NCF2: variants seen among roughly 807,000 people sequenced by gnomAD.
NCF2 encodes neutrophil cytosol factor 2.
Under a neutral mutation model 70.9 loss-of-function variants are expected in NCF2, and 45 were observed. The ratio of observed to expected loss-of-function variants is 0.63; its 90% CI spans 0.50 to 0.81. The LOEUF (loss-of-function observed/expected upper bound fraction) is 0.81. NCF2 is among the 40% of genes least tolerant of loss of function. NCF2 has a pLI of 0.00. For missense variants in NCF2, 522 were observed against 631.6 expected (o/e 0.83, Z 1.86); for synonymous variants, 203 against 233.6 (o/e 0.87, Z 1.19).
chr1:183,585,499 C>T (rs1002070340), intron 2 of NCF2, among the ~76,000 whole-genome samples: 1 of 151,782 alleles, frequency 6.6e-6, no homozygotes, highest in Non-Finnish European at 1.5e-5. Flanking sequence ...GTGGCGGGCA[C>T]CTGTAATCCC....
intron 14 of NCF2, 75 bp downstream of exon 14, chr1:183,560,020 AT>A: frequency 6.7e-7 from 1 of 1,482,000 alleles, no homozygotes; most frequent in Middle Eastern, 2.1e-4. Context: ...GATTATTGAT[AT>A]TTTCTTCTCT....
chr1:183,560,812 A>G (rs1277659569), intron 13 of NCF2, among the ~76,000 whole-genome samples: 1 of 152,254 alleles, frequency 6.6e-6, no homozygotes, highest in Non-Finnish European at 1.5e-5. Flanking sequence ...GTCTTAAAAT[A>G]TCTTACTGAA....
chr1:183,557,485 G>A (rs1321207603), intron 14 of NCF2, among the ~76,000 whole-genome samples: 2 of 152,140 alleles, frequency 1.3e-5, no homozygotes, highest in African/African-American at 4.8e-5. Flanking sequence ...AGGAAGATTC[G>A]CAGGTGATTC....
chr1:183,577,949 C>T (rs1015979937), intron 2 of NCF2, among the ~76,000 whole-genome samples: 2 of 152,180 alleles, frequency 1.3e-5, no homozygotes, highest in African/African-American at 4.8e-5. Context: ...CTTGGACAGT[C>T]ACAGGGAGTT....
upstream of NCF2, among the ~76,000 whole-genome samples, chr1:183,592,895 C>G (rs112516933): frequency 1.3e-5 from 2 of 152,080 alleles, no homozygotes; most frequent in Non-Finnish European, 2.9e-5. Context: ...TGCATCTGTG[C>G]GACTCGTGCT....
intron 6 of NCF2, 104 bp downstream of exon 6, chr1:183,570,670 TGAAGGA>T: frequency 6.1e-6 from 7 of 1,151,596 alleles, no homozygotes; most frequent in Non-Finnish European, 9.0e-6. Context: ...GAGGGCCACT[TGAAGGA>T]GCCCTTACAA....
rs568668596 is a variant in NCF2 at position 183,557,795 on chromosome 1, A to C, written c.1469-1565T>G. ...TTGATTTAGGCACCTTTAAAGTGGC[A>C]CTTGGAGGTGTTCAACCCAGTTCTT... On this transcript the variant is annotated intron_variant, in intron 14 of 14. Coordinates refer to ENST00000367535, the MANE Select transcript of NCF2 (RefSeq NM_000433.4). 5.3e-5 allele frequency among the ~76,000 whole-genome samples: 8 copies of C among 152,276 alleles called. No individual in the cohort carries two copies. The South Asian group carries it at 1.7e-3, about 32-fold the overall frequency.
intron 1 of NCF2, among the ~76,000 whole-genome samples, chr1:183,587,511 T>C (rs1430127463): frequency 1.4e-5 from 2 of 138,722 alleles, no homozygotes; most frequent in Non-Finnish European, 3.0e-5. Flanking sequence ...GGTCAATCGC[T>C]CAAGCCCAGG....
chr1:183,567,836 G>A (rs1357956818), intron 7 of NCF2, among the ~76,000 whole-genome samples: 1 of 152,176 alleles, frequency 6.6e-6, no homozygotes, highest in Non-Finnish European at 1.5e-5. Flanking sequence ...GAGCAGGGTA[G>A]GTGACAGGGA....
At position 183,563,538 on chromosome 1, in the gene NCF2, G is replaced by T; in HGVS notation, c.1074C>A (p.Tyr358Ter). The change falls in exon 12 of 15, where the codon TAC becomes TAA. Residue 358 changes from tyrosine to a stop codon, truncating the protein, a stop_gained. Transcript: ENST00000367535. LOFTEE classifies it high-confidence loss of function. ...GAGTCTTCATGACTACCGTGTACTT[G>T]TAGTGCACCTTGAGTGTGTAGGGCA... ...VPMPYTLKVH[Y>*]KYTVVMKTQP... is the part of the protein sequence containing the mutation. The T allele has an allele frequency of 6.2e-7, 1 of 1,614,076 alleles. No individual in the cohort carries two copies. Among genetic ancestry groups the T allele is most frequent in the South Asian group, 1.1e-5 (1 of 91,072 alleles).
At chr1:183,570,298 G>C (rs538602861) in intron 6 of NCF2, among the ~76,000 whole-genome samples, 4 of 152,216 alleles carry the variant, frequency 2.6e-5, no homozygotes, top group African/African-American at 9.6e-5. Flanking sequence ...GCAGAAAAAG[G>C]GTTCACTCTC....
At chr1:183,563,943 G>T in intron 11 of NCF2, 62 bp downstream of exon 11, 1 of 1,517,392 alleles carries the variant, frequency 6.6e-7, no homozygotes, top group Non-Finnish European at 9.2e-7. Context: ...ACATGTCTGT[G>T]GTTGATAGCC....
intron 2 of NCF2, among the ~76,000 whole-genome samples, chr1:183,578,367 T>C (rs1214290086): frequency 6.7e-6 from 1 of 149,534 alleles, no homozygotes; most frequent in East Asian, 2.0e-4. Flanking sequence ...TTTTTTTTTC[T>C]TTTTTTTTGA....
chr1:183,575,217 C>G (rs1375068426), intron 3 of NCF2, among the ~76,000 whole-genome samples: 1 of 152,224 alleles, frequency 6.6e-6, no homozygotes, highest in East Asian at 1.9e-4. Flanking sequence ...TGCCTGTAAT[C>G]CCAGCACTTT....
chr1:183,599,446 CTTTCTT>C, the NCF2 span, among the ~76,000 whole-genome samples: 3 of 94,176 alleles, frequency 3.2e-5, no homozygotes, highest in African/African-American at 1.2e-4. Context: ...TTCTTTCTTT[CTTTCTT>C]TCTTTCTTTC....
chr1:183,594,792 C>T (rs561442282), upstream of NCF2, among the ~76,000 whole-genome samples: 41 of 151,830 alleles, frequency 2.7e-4, no homozygotes, highest in African/African-American at 8.9e-4. Flanking sequence ...CAAGACCCTC[C>T]TTTTTTTTTC....
At chr1:183,561,053 C>G (rs1415259142) in intron 13 of NCF2, among the ~76,000 whole-genome samples, 2 of 152,226 alleles carry the variant, frequency 1.3e-5, no homozygotes, top group Non-Finnish European at 2.9e-5. Context: ...CTGATACTTG[C>G]TAAAGTTCAA....
upstream of NCF2, among the ~76,000 whole-genome samples, chr1:183,594,547 G>C (rs888184142): frequency 6.6e-6 from 1 of 152,104 alleles, no homozygotes; most frequent in Non-Finnish European, 1.5e-5. Context: ...AAAATGTTCT[G>C]ACACACACAC....
At position 183,569,258 on chromosome 1, in the gene NCF2, A is replaced by G. The variant is rs569623376; in HGVS notation, c.670-73T>C. On this transcript the variant is annotated intron_variant, in intron 6 of 14. Transcript: ENST00000367535. The stretch of plus-strand genomic sequence containing the variant: ...AGCAGGGGAGAGACAACAAACGGCT[A>G]ATGGTAATTTGAGCATTCTTCCAGA... The G allele has an allele frequency of 3.0e-4, 402 of 1,345,418 alleles. 4 individuals carry two copies. The Middle Eastern group carries it at 4.0e-3, about 13-fold the overall frequency. The allele number at this position is 1,345,418 out of a possible 1,614,324, so 83.3% of individuals were successfully genotyped here. A position where few individuals can be genotyped will look rare whatever the true frequency, so the allele number is the denominator to read the frequency against.
Sources: gnomAD v4.1 joint callset for allele counts (sites outside exome capture counted in the v4.1 genomes callset) on GRCh38, gnomAD v4.1.1 for gene constraint, MANE v1.5 for transcripts, NCBI Gene and HGNC (gene_info 2026-07-23, HGNC 2026-07-21) for gene names.